The following LAMA2 variants were observed in gnomAD, a reference collection of about 807,000 sequenced individuals.
LAMA2 encodes laminin subunit alpha-2.
A neutral mutation model predicts 364.8 loss-of-function variants in LAMA2; 269 were observed. The ratio of observed to expected loss-of-function variants is 0.74; its 90% CI spans 0.67 to 0.82. LAMA2 has a LOEUF of 0.82. Ranked by LOEUF, LAMA2 falls within the 40% of genes least tolerant of loss-of-function variation. The pLI is 0.00. For synonymous variants in LAMA2, 1,379 were observed against 1,370.6 expected, an observed-to-expected ratio of 1.01 and a Z score of -0.14; for missense variants, 3,807 against 3,873.2, an observed-to-expected ratio of 0.98 and a Z score of 0.45.
At chr6:128,941,665 C>T (rs1471509204) in intron 1 of LAMA2, among the ~76,000 whole-genome samples, 1 of 151,800 alleles carries the variant, frequency 6.6e-6, no homozygotes, top group Non-Finnish European at 1.5e-5. Context: ...TAGATGTGCT[C>T]AGAACTAAAA....
chr6:129,169,981 T>G (rs533736054), intron 9 of LAMA2, among the ~76,000 whole-genome samples: 3 of 151,396 alleles, frequency 2.0e-5, no homozygotes, highest in Non-Finnish European at 4.4e-5. Flanking sequence ...TGATTTTAGT[T>G]TGTATTTCTG....
intron 14 of LAMA2, among the ~76,000 whole-genome samples, chr6:129,258,482 C>T (rs182472814): frequency 1.3e-4 from 19 of 151,920 alleles, no homozygotes; most frequent in Admixed American, 9.8e-4. Flanking sequence ...GCAACAAAAG[C>T]AGATTGTTAG....
intron 3 of LAMA2, among the ~76,000 whole-genome samples, chr6:129,082,750 G>A (rs917245874): frequency 6.6e-5 from 10 of 151,702 alleles, no homozygotes; most frequent in South Asian, 4.1e-4. Flanking sequence ...AACTTTATTC[G>A]TGAACTACAT....
chr6:129,119,653 T>C (rs1438276326), intron 4 of LAMA2, among the ~76,000 whole-genome samples: 1 of 152,218 alleles, frequency 6.6e-6, no homozygotes, highest in Non-Finnish European at 1.5e-5. Context: ...GTTCACGCCA[T>C]TCTCCTGCCT....
intron 12 of LAMA2, among the ~76,000 whole-genome samples, chr6:129,222,506 C>T (rs1000219410): frequency 6.4e-5 from 7 of 109,676 alleles, no homozygotes; most frequent in African/African-American, 1.4e-4. Context: ...CCCCACCCTA[C>T]GACAGGCCCC....
chr6:129,294,752 C>T (rs9492298), intron 20 of LAMA2, among the ~76,000 whole-genome samples: 4,832 of 152,150 alleles, frequency 0.032, 217 homozygotes, highest in African/African-American at 0.11. Flanking sequence ...TCGGATGAGG[C>T]GCCTCCAAGG....
chr6:129,314,612 A>C (rs1157793037), intron 23 of LAMA2, 43 bp from the exon 24 acceptor site: 1 of 1,604,820 alleles, frequency 6.2e-7, no homozygotes, highest in Admixed American at 1.7e-5. Flanking sequence ...TTCTCCCCTA[A>C]CTTTGCCGTT....
chr6:129,150,788 G>T (rs1357337709), intron 7 of LAMA2, among the ~76,000 whole-genome samples: 1 of 152,100 alleles, frequency 6.6e-6, no homozygotes, highest in Non-Finnish European at 1.5e-5. Context: ...TTTCAGCAAT[G>T]AGTACATTCC....
At chr6:129,430,501 T>C (rs1484415614) in intron 41 of LAMA2, among the ~76,000 whole-genome samples, 1 of 152,228 alleles carries the variant, frequency 6.6e-6, no homozygotes, top group Non-Finnish European at 1.5e-5. Flanking sequence ...AAATTTGCCC[T>C]TGTGTGAGTT....
At chr6:129,101,361 G>A (rs1031035971) in intron 4 of LAMA2, among the ~76,000 whole-genome samples, 2 of 152,062 alleles carry the variant, frequency 1.3e-5, no homozygotes, top group Non-Finnish European at 2.9e-5. Flanking sequence ...CATTGTTGAG[G>A]GATATTGTTA....
chr6:129,404,172 T>G (rs1387231303), intron 40 of LAMA2, among the ~76,000 whole-genome samples: 1 of 152,170 alleles, frequency 6.6e-6, no homozygotes, highest in African/African-American at 2.4e-5. Flanking sequence ...GTTAGGGTCT[T>G]AAAATTATCT....
chr6:129,440,217 A>T (rs1423285847), intron 42 of LAMA2, among the ~76,000 whole-genome samples: 2 of 152,038 alleles, frequency 1.3e-5, no homozygotes, highest in African/African-American at 4.8e-5. Flanking sequence ...TCAGGAGACA[A>T]ATGCACATAT....
At chr6:129,131,278 T>A (rs1469673108) in intron 4 of LAMA2, among the ~76,000 whole-genome samples, 1 of 152,178 alleles carries the variant, frequency 6.6e-6, no homozygotes, top group Admixed American at 6.5e-5. Context: ...TTTAGACAAA[T>A]AACTTACAAT....
intron 40 of LAMA2, among the ~76,000 whole-genome samples, chr6:129,410,016 G>A (rs1270657658): frequency 3.3e-5 from 5 of 152,140 alleles, no homozygotes; most frequent in East Asian, 1.9e-4. Flanking sequence ...CACACTCTCA[G>A]TGACACGAGG....
chr6:128,890,737 C>T (rs1409623549), intron 1 of LAMA2, among the ~76,000 whole-genome samples: 1 of 151,892 alleles, frequency 6.6e-6, no homozygotes, highest in African/African-American at 2.4e-5. Context: ...TCTGAAGTAA[C>T]TTTACAGAAG....
chr6:129,037,422 G>T (rs766658386), intron 1 of LAMA2, among the ~76,000 whole-genome samples: 8 of 152,072 alleles, frequency 5.3e-5, no homozygotes, highest in Non-Finnish European at 8.8e-5. Context: ...GAAGTGAATT[G>T]TTGCATTGAC....
At chr6:128,912,993 G>A (rs1424609445) in intron 1 of LAMA2, among the ~76,000 whole-genome samples, 1 of 152,118 alleles carries the variant, frequency 6.6e-6, no homozygotes, top group Non-Finnish European at 1.5e-5. Flanking sequence ...TGACAAATTG[G>A]GAGAACACAG....
intron 4 of LAMA2, among the ~76,000 whole-genome samples, chr6:129,116,841 G>A (rs892873336): frequency 6.6e-6 from 1 of 151,758 alleles, no homozygotes; most frequent in African/African-American, 2.4e-5. Flanking sequence ...TACTAGATGA[G>A]CAACTGAATG....
intron 12 of LAMA2, among the ~76,000 whole-genome samples, chr6:129,248,789 G>C (rs1317161424): frequency 6.6e-6 from 1 of 152,100 alleles, no homozygotes; most frequent in Non-Finnish European, 1.5e-5. Context: ...TAGCTGATCT[G>C]AAGAAGCATG....
Sources: gnomAD v4.1 joint callset for allele counts (sites outside exome capture counted in the v4.1 genomes callset) on GRCh38, gnomAD v4.1.1 for gene constraint, MANE v1.5 for transcripts, NCBI Gene and HGNC (gene_info 2026-07-23, HGNC 2026-07-21) for gene names.